The following CRB1 variants were observed in gnomAD, a reference collection of about 807,000 sequenced individuals.
CRB1 encodes the protein crumbs cell polarity complex component 1, also known as protein crumbs homolog 1.
In CRB1, 83 loss-of-function variants were observed where a neutral mutation model predicts 120.0. The ratio of observed to expected loss-of-function variants is 0.69; its 90% CI spans 0.58 to 0.83. The LOEUF (loss-of-function observed/expected upper bound fraction) is 0.83. CRB1 is among the 40% of genes least tolerant of loss of function. CRB1 has a pLI of 0.00. For synonymous variants in CRB1, 625 were observed against 612.5 expected (o/e 1.02, Z -0.30); for missense variants, 1,699 against 1,687.6 (o/e 1.01, Z -0.12).
In CRB1 at chr1:197,372,159, A is replaced by G. The variant is rs1049288168; in HGVS notation, c.1171+15146A>G. ...GACTATCAAGAGGACTCTAAGCAAT[A>G]AGATGAAGTCAACCTGTAGTATACA... On this transcript the variant is annotated intron_variant, in intron 5 of 11. Transcript: ENST00000367400. Among the ~76,000 whole-genome samples the G allele has an allele frequency of 2.0e-5, 3 of 152,122 alleles. No homozygotes were observed. In the East Asian group the frequency reaches 5.8e-4, roughly 29 times the overall value.
chr1:197,413,066 GC>G (rs1349075143), intron 5 of CRB1, among the ~76,000 whole-genome samples: 1 of 152,144 alleles, frequency 6.6e-6, no homozygotes, highest in Non-Finnish European at 1.5e-5. Flanking sequence ...TAAAGGAATT[GC>G]TCTGATTGTG....
the CRB1 span, among the ~76,000 whole-genome samples, chr1:197,211,977 T>C: frequency 1.3e-5 from 2 of 152,076 alleles, no homozygotes; most frequent in Non-Finnish European, 2.9e-5. Context: ...GAAAAAAATA[T>C]TTAAGTAGAT....
chr1:197,226,069 T>A, the CRB1 span, among the ~76,000 whole-genome samples: 1 of 151,884 alleles, frequency 6.6e-6, no homozygotes, highest in South Asian at 2.1e-4. Context: ...CCCAACTAAC[T>A]TTTGTATCTT....
intron 11 of CRB1, chr1:197,443,607 C>T (rs865939640): frequency 6.6e-6 from 1 of 151,632 alleles, no homozygotes; most frequent in South Asian, 2.1e-4. Flanking sequence ...CTAAGATTTG[C>T]AAGTAAATTT....
the CRB1 span, among the ~76,000 whole-genome samples, chr1:197,233,231 C>T: frequency 2.0e-5 from 3 of 152,054 alleles, no homozygotes; most frequent in African/African-American, 7.2e-5. Flanking sequence ...TCATTTGATC[C>T]ACTGGTCTGA....
intron 5 of CRB1, among the ~76,000 whole-genome samples, chr1:197,387,749 T>A (rs1020879384): frequency 1.3e-5 from 2 of 152,032 alleles, no homozygotes; most frequent in African/African-American, 4.8e-5. Context: ...AGTTATTTTT[T>A]AAACTGTTTT....
intron 5 of CRB1, among the ~76,000 whole-genome samples, chr1:197,376,645 T>C (rs77010701): frequency 0.011 from 1,737 of 152,298 alleles, 58 homozygotes; most frequent in Admixed American, 0.062. Flanking sequence ...ATTTCTACTC[T>C]AGACCAAGCC....
At chr1:197,394,076 T>C (rs895577759) in intron 5 of CRB1, among the ~76,000 whole-genome samples, 2 of 152,200 alleles carry the variant, frequency 1.3e-5, no homozygotes, top group African/African-American at 4.8e-5. Flanking sequence ...GGTCCAACTA[T>C]ATGCAGATTT....
At chr1:197,310,451 C>T (rs1198863992) in intron 1 of CRB1, among the ~76,000 whole-genome samples, 4 of 152,256 alleles carry the variant, frequency 2.6e-5, no homozygotes, top group South Asian at 4.2e-4. Flanking sequence ...CCTGCATCTG[C>T]AGACCACAGA....
At chr1:197,305,164 C>A (rs1657091828) in intron 1 of CRB1, among the ~76,000 whole-genome samples, 1 of 152,082 alleles carries the variant, frequency 6.6e-6, no homozygotes, top group Non-Finnish European at 1.5e-5. Flanking sequence ...TCTTAGGTTA[C>A]TGGGGAACTT....
At chr1:197,222,610 T>A in the CRB1 span, 23 of 772,364 alleles carry the variant, frequency 3.0e-5, no homozygotes, top group Admixed American at 3.8e-4. Context: ...GAGGAAAGAG[T>A]GTATTTGGTA....
chr1:197,470,577 C>T (rs1666939280), intron 11 of CRB1, among the ~76,000 whole-genome samples: 1 of 152,206 alleles, frequency 6.6e-6, no homozygotes, highest in South Asian at 2.1e-4. Flanking sequence ...TTCACAAGGC[C>T]ATGTGCTCCA....
chr1:197,243,686 G>C, the CRB1 span, among the ~76,000 whole-genome samples: 1 of 152,162 alleles, frequency 6.6e-6, no homozygotes, highest in Non-Finnish European at 1.5e-5. Context: ...ATGTCTATTA[G>C]GTTTGCTTGG....
In CRB1 at chr1:197,356,755, T is replaced by C; in HGVS notation, c.989-76T>C. ...TGCTAAATCAATGCCAGTATAGCAG[T>C]CAACCTCCTTTTAGGCAAATGCTCT... On this transcript the variant is annotated intron_variant, in intron 4 of 11. Coordinates refer to ENST00000367400, the MANE Select transcript of CRB1 (RefSeq NM_201253.3). The C allele has an allele frequency of 8.9e-6, 13 of 1,457,552 alleles. 1 individual carries two copies. In the South Asian group the frequency reaches 1.4e-4, roughly 16 times the overall value. The allele number at this position is 1,457,552 out of a possible 1,614,324, so 90.3% of individuals were successfully genotyped here.
At chr1:197,377,836 A>G (rs1661728558) in intron 5 of CRB1, among the ~76,000 whole-genome samples, 1 of 152,144 alleles carries the variant, frequency 6.6e-6, no homozygotes, top group Admixed American at 6.5e-5. Flanking sequence ...ATGGATCATG[A>G]CAAACCTATA....
chr1:197,232,502 C>G, the CRB1 span, among the ~76,000 whole-genome samples: 1 of 152,040 alleles, frequency 6.6e-6, no homozygotes, highest in Non-Finnish European at 1.5e-5. Flanking sequence ...GAGATGATGA[C>G]CAGAACATGG....
At chr1:197,247,611 G>A in the CRB1 span, among the ~76,000 whole-genome samples, 2 of 152,014 alleles carry the variant, frequency 1.3e-5, 1 homozygote, top group Admixed American at 1.3e-4. Flanking sequence ...GACCTTGCTA[G>A]CATTCATCAG....
chr1:197,430,906 T>TA (rs951359328), intron 8 of CRB1, among the ~76,000 whole-genome samples: 2 of 151,368 alleles, frequency 1.3e-5, no homozygotes, highest in East Asian at 1.9e-4. Context: ...CAGCTTACTA[T>TA]AAAAAAAATA....
At chr1:197,443,309 C>T (rs891580290) in intron 11 of CRB1, 3 of 151,898 alleles carry the variant, frequency 2.0e-5, no homozygotes, top group Non-Finnish European at 4.4e-5. Context: ...AGTATCAGTA[C>T]TCAAATTATA....
Sources: allele counts gnomAD v4.1 joint callset (sites outside exome capture counted in the v4.1 genomes callset), GRCh38; gene constraint gnomAD v4.1.1; transcripts MANE v1.5; gene names NCBI Gene and HGNC (gene_info 2026-07-23, HGNC 2026-07-21).